The following PRKAR1A variants were observed in gnomAD, a reference collection of about 807,000 sequenced individuals.
PRKAR1A encodes protein kinase cAMP-dependent type I regulatory subunit alpha.
PRKAR1A carries 3 observed loss-of-function variants against 52.0 expected under a neutral mutation model. The ratio of observed to expected loss-of-function variants is 0.06; its 90% confidence interval spans 0.03 to 0.15. The LOEUF (loss-of-function observed/expected upper bound fraction) is 0.15. PRKAR1A is among the 10% of genes least tolerant of loss of function. The probability of loss-of-function intolerance (pLI) is 1.00; values close to 1 mark genes in which losing one functional copy is unlikely to be tolerated. For synonymous variants in PRKAR1A, 188 were observed against 168.4 expected, an observed-to-expected ratio of 1.12 and a Z score of -0.90; for missense variants, 240 against 477.4, an observed-to-expected ratio of 0.50 and a Z score of 4.63.
chr17:68,526,251 T>C (rs1201413663), intron 7 of PRKAR1A, among the ~76,000 whole-genome samples: 1 of 152,232 alleles, frequency 6.6e-6, no homozygotes, highest in Non-Finnish European at 1.5e-5. Context: ...TGATAGGTGC[T>C]GCTTTTAAGT....
chr17:68,547,803 G>A (rs566625223), intron 11 of PRKAR1A, among the ~76,000 whole-genome samples: 1 of 152,242 alleles, frequency 6.6e-6, no homozygotes, highest in South Asian at 2.1e-4. Flanking sequence ...GTTTAGTGGA[G>A]CAGCGCTTTT....
the PRKAR1A span, chr17:68,450,639 T>G: frequency 1.3e-6 from 2 of 1,482,234 alleles, no homozygotes; most frequent in Non-Finnish European, 9.1e-7. Context: ...GAAGCTTGTT[T>G]TACAGACATT....
chr17:68,457,279 G>T, the PRKAR1A span: 2 of 1,519,388 alleles, frequency 1.3e-6, no homozygotes, highest in South Asian at 2.4e-5. Context: ...CTCTCAGGAC[G>T]ACACCCCTGG....
chr17:68,430,685 T>C, the PRKAR1A span, among the ~76,000 whole-genome samples: 919 of 152,236 alleles, frequency 6.0e-3, 12 homozygotes, highest in African/African-American at 0.021. Context: ...ATGATGGAGA[T>C]CATGCAAAGG....
At chr17:68,449,257 T>C in the PRKAR1A span, among the ~76,000 whole-genome samples, 3 of 152,216 alleles carry the variant, frequency 2.0e-5, no homozygotes, top group Non-Finnish European at 2.9e-5. Context: ...GAAACAGATA[T>C]TTATGAGCAC....
the PRKAR1A span, among the ~76,000 whole-genome samples, chr17:68,418,577 G>T: frequency 6.6e-6 from 1 of 152,226 alleles, no homozygotes; most frequent in South Asian, 2.1e-4. Context: ...TTTCTGGCCA[G>T]ATTGGACCAG....
At chr17:68,469,542 GCTGA>G in the PRKAR1A span, among the ~76,000 whole-genome samples, 3 of 152,042 alleles carry the variant, frequency 2.0e-5, no homozygotes, top group African/African-American at 7.2e-5. Context: ...ATGTTTGTTG[GCTGA>G]CTGACTTACA....
At chr17:68,421,621 G>T in the PRKAR1A span, 1 of 1,070,722 alleles carries the variant, frequency 9.3e-7, no homozygotes, top group Non-Finnish European at 1.4e-6. Flanking sequence ...TTGGTGAGGA[G>T]TTAACCAGGT....
Position 68,530,538 on chromosome 17 carries a change from A to G in PRKAR1A, c.*89A>G. 3.7e-6 allele frequency: 6 copies of G among 1,610,106 alleles called. No homozygotes were observed. The highest frequency in any genetic ancestry group is 5.1e-6 in the Non-Finnish European group (6 of 1,178,558). ...TTTATTTTCCCTACTTGCAGCGCCA[A>G]GTGGCCACTGGCATCGCAGCTTCCT... On this transcript the variant is annotated 3_prime_UTR_variant, in exon 11 of 11. Transcript: ENST00000589228.
downstream of PRKAR1A, among the ~76,000 whole-genome samples, chr17:68,533,815 C>T (rs1247085716): frequency 6.6e-6 from 1 of 152,210 alleles, no homozygotes; most frequent in African/African-American, 2.4e-5. Context: ...AGCCTCTCTG[C>T]TTCCCAGATT....
At chr17:68,527,272 CT>C (rs544701922) in intron 7 of PRKAR1A, among the ~76,000 whole-genome samples, 1 of 151,990 alleles carries the variant, frequency 6.6e-6, no homozygotes, top group Non-Finnish European at 1.5e-5. Context: ...GGATATGGTC[CT>C]TTTTTTATAG....
intron 11 of PRKAR1A, chr17:68,539,960 A>G (rs772356119): frequency 6.2e-7 from 1 of 1,614,010 alleles, no homozygotes; most frequent in Non-Finnish European, 8.5e-7. Flanking sequence ...GTGCCGGTCC[A>G]TATTCCCTGT....
At chr17:68,516,096 G>C (rs1053913162) in intron 2 of PRKAR1A, among the ~76,000 whole-genome samples, 1 of 152,088 alleles carries the variant, frequency 6.6e-6, no homozygotes, top group Non-Finnish European at 1.5e-5. Context: ...TTACTGTAGA[G>C]ATATTGATAT....
intron 11 of PRKAR1A, chr17:68,543,709 A>G (rs1471103271): frequency 2.1e-5 from 34 of 1,614,016 alleles, no homozygotes; most frequent in Non-Finnish European, 2.9e-5. Context: ...GTGTCTCCTC[A>G]TCTCGCTGCT....
At chr17:68,430,602 C>A in the PRKAR1A span, among the ~76,000 whole-genome samples, 3 of 152,260 alleles carry the variant, frequency 2.0e-5, no homozygotes, top group African/African-American at 7.2e-5. Context: ...GGTAGCAAAC[C>A]TCCGGGCAAG....
chr17:68,421,793 C>T, the PRKAR1A span: 1 of 1,614,142 alleles, frequency 6.2e-7, no homozygotes, highest in South Asian at 1.1e-5. Flanking sequence ...TTCGTTTTGC[C>T]CTTCTGATTT....
chr17:68,480,760 G>C, the PRKAR1A span, among the ~76,000 whole-genome samples: 4 of 152,166 alleles, frequency 2.6e-5, no homozygotes, highest in Non-Finnish European at 5.9e-5. Context: ...ATGTTCCCCA[G>C]GCTGGTCTCG....
At chr17:68,547,658 T>C (rs1376644311) in intron 11 of PRKAR1A, among the ~76,000 whole-genome samples, 2 of 152,240 alleles carry the variant, frequency 1.3e-5, no homozygotes, top group South Asian at 2.1e-4. Flanking sequence ...TCAGCCTTCA[T>C]TGAGGAGAGT....
chr17:68,426,242 T>TGGGGGGGGGG, the PRKAR1A span: 143 of 682,648 alleles, frequency 2.1e-4, 35 homozygotes, highest in South Asian at 5.1e-4. Flanking sequence ...ACCTGGCGGG[T>TGGGGGGGGGG]GGGGAGCGGG....
Sources: gnomAD v4.1 joint callset for allele counts (sites outside exome capture counted in the v4.1 genomes callset) on GRCh38, gnomAD v4.1.1 for gene constraint, MANE v1.5 for transcripts, NCBI Gene and HGNC (gene_info 2026-07-23, HGNC 2026-07-21) for gene names.